Variants in RELCH observed in about 807,000 individuals in gnomAD.
The protein encoded by RELCH is RAB11-binding protein RELCH.
In RELCH, 41 loss-of-function variants were observed where a neutral mutation model predicts 150.3. That is an observed-to-expected ratio of 0.27 (90% confidence interval 0.21 to 0.35). RELCH has a LOEUF of 0.35. Among genes scored for constraint, RELCH ranks in the 10% least tolerant of loss-of-function variants. RELCH has a pLI of 1.00. For synonymous variants in RELCH, 478 were observed against 531.8 expected, an observed-to-expected ratio of 0.90 and a Z score of 1.39; for missense variants, 1,092 against 1,467.8, an observed-to-expected ratio of 0.74 and a Z score of 4.18.
At chr18:62,299,174 C>T (rs948631904) in intron 28 of RELCH, among the ~76,000 whole-genome samples, 9 of 152,186 alleles carry the variant, frequency 5.9e-5, no homozygotes, top group African/African-American at 2.2e-4. Context: ...GTTCACTCAC[C>T]AGTCAAAAGA....
intron 1 of RELCH, among the ~76,000 whole-genome samples, chr18:62,189,290 T>C (rs928112106): frequency 3.8e-5 from 5 of 129,938 alleles, no homozygotes; most frequent in African/African-American, 1.4e-4. Flanking sequence ...TTTTTTTTGG[T>C]TTTTGTGTTA....
chr18:62,293,911 T>C (rs2045279706), intron 27 of RELCH, among the ~76,000 whole-genome samples: 2 of 152,144 alleles, frequency 1.3e-5, no homozygotes, highest in African/African-American at 4.8e-5. Flanking sequence ...TATTTATTTA[T>C]CCCTAAACAA....
intron 5 of RELCH, among the ~76,000 whole-genome samples, chr18:62,225,885 CA>C (rs1387263045): frequency 6.6e-6 from 1 of 151,500 alleles, no homozygotes; most frequent in Non-Finnish European, 1.5e-5. Flanking sequence ...TTTATCCTTA[CA>C]AAAACCCTAA....
At chr18:62,275,513 ATTTT>A in intron 22 of RELCH, 40 bp downstream of exon 22, 3 of 1,055,050 alleles carry the variant, frequency 2.8e-6, no homozygotes, top group Admixed American at 2.2e-5. Context: ...AATTATAATG[ATTTT>A]TTTTTTTTTG....
At chr18:62,259,477 T>C (rs1462273917) in intron 15 of RELCH, among the ~76,000 whole-genome samples, 1 of 151,498 alleles carries the variant, frequency 6.6e-6, no homozygotes, top group African/African-American at 2.4e-5. Flanking sequence ...ATGAAAGAAA[T>C]TGAAGAGGAA....
intron 25 of RELCH, among the ~76,000 whole-genome samples, chr18:62,285,056 G>A (rs2044718687): frequency 6.6e-6 from 1 of 152,040 alleles, no homozygotes; most frequent in African/African-American, 2.4e-5. Flanking sequence ...AATAGGACAA[G>A]ATTCCCTTTA....
chr18:62,205,193 G>A (rs1209519843), intron 1 of RELCH, among the ~76,000 whole-genome samples: 5 of 152,128 alleles, frequency 3.3e-5, no homozygotes, highest in Non-Finnish European at 7.4e-5. Context: ...ATTAATTAGA[G>A]CTCAATATTT....
At chr18:62,238,415 G>A (rs921904047) in intron 10 of RELCH, among the ~76,000 whole-genome samples, 5 of 151,928 alleles carry the variant, frequency 3.3e-5, no homozygotes, top group Non-Finnish European at 7.4e-5. Flanking sequence ...AAATATATTT[G>A]TCATTTGATA....
chr18:62,240,114 A>C (rs2042070582), intron 10 of RELCH, among the ~76,000 whole-genome samples: 3 of 152,140 alleles, frequency 2.0e-5, no homozygotes, highest in Admixed American at 2.0e-4. Context: ...ATCCAAATAA[A>C]ATAATAAGTA....
At chr18:62,297,057 T>A (rs1044776887) in intron 27 of RELCH, among the ~76,000 whole-genome samples, 2 of 152,208 alleles carry the variant, frequency 1.3e-5, no homozygotes, top group African/African-American at 2.4e-5. Flanking sequence ...ATAAGAGGAA[T>A]AATTTAAAGA....
At chr18:62,211,782 CAAAT>C (rs758399807) in intron 2 of RELCH, among the ~76,000 whole-genome samples, 4 of 151,780 alleles carry the variant, frequency 2.6e-5, no homozygotes, top group African/African-American at 9.7e-5. Flanking sequence ...AATAAATAAG[CAAAT>C]AAATAAATAA....
At chr18:62,278,646 A>G (rs528363145) in intron 22 of RELCH, among the ~76,000 whole-genome samples, 6 of 152,258 alleles carry the variant, frequency 3.9e-5, no homozygotes, top group African/African-American at 1.4e-4. Flanking sequence ...CAGATTGGTG[A>G]GCATTTAGGA....
rs776514757 is a variant in RELCH, at chr18:62,275,366, T to C, written c.2868-8T>C. The C allele has an allele frequency of 2.0e-6, 3 of 1,506,438 alleles. No homozygotes were observed. The highest frequency in any genetic ancestry group is 2.3e-5 in the Admixed American group (1 of 43,064). The allele number at this position is 1,506,438 out of a possible 1,614,324, so 93.3% of individuals were successfully genotyped here. On this transcript the variant is annotated splice_polypyrimidine_tract_variant and splice_region_variant and intron_variant, in intron 21 of 28. Transcript: ENST00000644646. Reference sequence around the variant, plus strand: ...AATTTTAACACTGTTTTTTTTTTTTTCTTCTAGTGCAAACCCAGCCTACCA... The same window carrying C: ...AATTTTAACACTGTTTTTTTTTTTTCCTTCTAGTGCAAACCCAGCCTACCA...
chr18:62,254,742 A>G (rs1439851762), intron 12 of RELCH: 1 of 152,104 alleles, frequency 6.6e-6, no homozygotes, highest in Non-Finnish European at 1.5e-5. Context: ...GGAATATGAG[A>G]ACAAATATAC....
At chr18:62,284,399 C>T (rs1171337382) in intron 25 of RELCH, 2 of 152,156 alleles carry the variant, frequency 1.3e-5, no homozygotes, top group Non-Finnish European at 2.9e-5. Flanking sequence ...TCTAGTAAAC[C>T]ATTATCCTTA....
Position 62,187,301 on chromosome 18 carries a change from T to G in RELCH, c.-205T>G. The G allele has an allele frequency of 2.4e-6, 1 of 409,530 alleles. No individual in the cohort carries two copies. Among genetic ancestry groups the G allele is most frequent in the Admixed American group, 4.1e-5 (1 of 24,106 alleles). 25.4% of individuals were successfully genotyped at this position (409,530 alleles called of 1,614,324 possible). On this transcript the variant is annotated 5_prime_UTR_variant, in exon 1 of 29. Transcript: ENST00000644646. ...CAGGAAGACGCCTGCAGAGCCGGGC[T>G]GCTGGTGCAGCAGAGGCTGAGGCAT...
rs148653464 is a variant in RELCH, at chr18:62,276,290, A to G, written c.2967+817A>G. 2.0e-3 allele frequency among the ~76,000 whole-genome samples: 300 copies of G among 152,240 alleles called. 1 individual carries two copies. The highest frequency in any genetic ancestry group is 6.8e-3 in the African/African-American group (281 of 41,554). ...ACAAGGTTGAGCCTCTCTGTACCTT[A>G]GTTTCCTCATGTACAAAAGAAAGTT... On this transcript the variant is annotated intron_variant, in intron 22 of 28. Coordinates refer to ENST00000644646, the MANE Select transcript of RELCH (RefSeq NM_001346231.2).
intron 27 of RELCH, among the ~76,000 whole-genome samples, chr18:62,296,922 T>C (rs1165892326): frequency 1.3e-5 from 2 of 152,238 alleles, no homozygotes; most frequent in Admixed American, 1.3e-4. Flanking sequence ...AGTTTGCTAG[T>C]ATTTTGTTGA....
intron 11 of RELCH, chr18:62,246,313 T>C (rs1404147434): frequency 6.6e-6 from 1 of 152,226 alleles, no homozygotes; most frequent in Admixed American, 6.5e-5. Context: ...TATGTGTATA[T>C]ATATTCTATT....
Sources: allele counts gnomAD v4.1 joint callset (sites outside exome capture counted in the v4.1 genomes callset), GRCh38; gene constraint gnomAD v4.1.1; transcripts MANE v1.5; gene names NCBI Gene and HGNC (gene_info 2026-07-23, HGNC 2026-07-21).